FMN1: variants seen among roughly 807,000 people sequenced by gnomAD.
FMN1 encodes formin-1.
FMN1 carries 110 observed loss-of-function variants against 132.4 expected under a neutral mutation model. The observed-to-expected ratio is 0.83, with a 90% CI of 0.71 to 0.97. The LOEUF (loss-of-function observed/expected upper bound fraction) is 0.97. FMN1 is among the 50% of genes least tolerant of loss of function. The probability of loss-of-function intolerance (pLI) is 0.00; values close to 1 mark genes in which losing one functional copy is unlikely to be tolerated. For missense variants in FMN1, 1,792 were observed against 1,705.3 expected, an observed-to-expected ratio of 1.05 and a Z score of -0.90; for synonymous variants, 722 against 651.7, an observed-to-expected ratio of 1.11 and a Z score of -1.64.
At chr15:32,797,402 G>A (rs2057324392) in intron 19 of FMN1, among the ~76,000 whole-genome samples, 1 of 152,160 alleles carries the variant, frequency 6.6e-6, no homozygotes, top group Non-Finnish European at 1.5e-5. Context: ...GGACCTGGAG[G>A]GCAGACTGGC....
At chr15:33,179,532 C>T (rs1161556079) in intron 3 of FMN1, among the ~76,000 whole-genome samples, 2 of 152,200 alleles carry the variant, frequency 1.3e-5, no homozygotes, top group South Asian at 2.1e-4. Flanking sequence ...ATAGTGCCTA[C>T]GGCCACCGTC....
rs28425489 is a variant in FMN1, at chr15:32,772,355, A to G, written c.*1955T>C. The G allele has an allele frequency of 0.57, 86,021 of 151,944 alleles. 24,767 individuals are homozygous for G. The highest frequency in any genetic ancestry group is 0.77 in the East Asian group (3,953 of 5,156). 9.4% of individuals were successfully genotyped at this position (151,944 alleles called of 1,614,324 possible). A position where few individuals can be genotyped will look rare whatever the true frequency, so the allele number is the denominator to read the frequency against. ...GGATTGAGACTTCTGCTGGCCCCAC[A>G]TAACTCAAAAGAGCTGAATTATATG... On this transcript the variant is annotated 3_prime_UTR_variant, in exon 21 of 21. Coordinates refer to ENST00000616417, the MANE Select transcript of FMN1 (RefSeq NM_001277313.2).
At chr15:32,893,110 G>A (rs573510222) in intron 15 of FMN1, among the ~76,000 whole-genome samples, 2 of 152,252 alleles carry the variant, frequency 1.3e-5, no homozygotes, top group East Asian at 3.9e-4. Context: ...TCCTCTTTAA[G>A]GCCATTAGCT....
At position 32,968,767 on chromosome 15, in the gene FMN1, G is replaced by T. The variant is rs1401956572; in HGVS notation, c.2934C>A (p.Pro978=). 2 of 1,613,284 alleles carry T rather than the reference G, an allele frequency of 1.2e-6. No homozygotes were observed. Among genetic ancestry groups the T allele is most frequent in the Middle Eastern group, 1.6e-4 (1 of 6,082 alleles). The part of the protein sequence containing the change: ...SQCPRKPAIE[P]SCPMKPLYWT... ...AATATAAAGGCTTCATGGGACAACT[G>T]GGCTCGATGGCTGGTTTTCGAGGAC... The change falls in exon 8 of 21, where the codon CCC becomes CCA. Residue 978 remains proline, a synonymous_variant. Coordinates refer to ENST00000616417, the MANE Select transcript of FMN1 (RefSeq NM_001277313.2).
rs1278035856 is a variant in FMN1 at position 33,115,497 on chromosome 15, C to CA, written c.1868-26524_1868-26523insT. Among the ~76,000 whole-genome samples the CA allele has an allele frequency of 1.7e-3, 235 of 138,032 alleles. 2 individuals are homozygous for CA. The highest frequency in any genetic ancestry group is 5.3e-3 in the African/African-American group (208 of 39,116). 90.6% of individuals were successfully genotyped at this position (138,032 alleles called of 152,430 possible). ...AACTGGATTTCATCCTTAAGCCCCC[C>CA]CCCCCCACACACACACGCACACACA... On this transcript the variant is annotated intron_variant, in intron 4 of 20. Coordinates refer to ENST00000616417, the MANE Select transcript of FMN1 (RefSeq NM_001277313.2).
intron 5 of FMN1, among the ~76,000 whole-genome samples, chr15:33,086,229 C>T (rs778361317): frequency 1.4e-5 from 2 of 144,876 alleles, no homozygotes; most frequent in Non-Finnish European, 3.0e-5. Context: ...CCAGCCTGAG[C>T]GACAGAGCAA....
chr15:33,128,462 C>G (rs185564483), intron 4 of FMN1, among the ~76,000 whole-genome samples: 1 of 152,300 alleles, frequency 6.6e-6, no homozygotes, highest in Admixed American at 6.5e-5. Flanking sequence ...TATGACATTG[C>G]AAGGTCCATT....
chr15:33,092,314 C>T (rs1018781139), intron 4 of FMN1, among the ~76,000 whole-genome samples: 40 of 152,184 alleles, frequency 2.6e-4, no homozygotes, highest in African/African-American at 9.7e-4. Context: ...CACAGCTCAT[C>T]TTTCCAAAAT....
intron 6 of FMN1, among the ~76,000 whole-genome samples, chr15:33,027,512 A>G (rs1233234354): frequency 1.2e-4 from 18 of 152,226 alleles, no homozygotes; most frequent in Non-Finnish European, 2.6e-4. Context: ...ACACAGGTGG[A>G]AACAGAGCCA....
intron 9 of FMN1, among the ~76,000 whole-genome samples, chr15:32,952,727 T>G (rs1455607472): frequency 1.3e-5 from 2 of 152,144 alleles, no homozygotes; most frequent in Admixed American, 6.6e-5. Context: ...CTAAGATATT[T>G]TGGACATGCA....
chr15:33,128,920 T>TTGGTCCATTTTACAGAGTGCTG lies in FMN1; in HGVS notation c.1867+24127_1867+24128insCAGCACTCTGTAAAATGGACCA, dbSNP rs1566942830. On this transcript the variant is annotated intron_variant, in intron 4 of 20. Transcript: ENST00000616417. ...TATTTGGCCCCACCCATGCCCTGCT[T>TTGGTCCATTTTACAGAGTGCTG]ATTGGTCCATTTTACAGAGTGCTGA... 4.5e-3 allele frequency among the ~76,000 whole-genome samples: 543 copies of TTGGTCCATTTTACAGAGTGCTG among 120,488 alleles called. 8 individuals are homozygous for TTGGTCCATTTTACAGAGTGCTG. Among genetic ancestry groups the TTGGTCCATTTTACAGAGTGCTG allele is most frequent in the African/African-American group, 0.021 (522 of 24,442 alleles). 79.0% of individuals were successfully genotyped at this position (120,488 alleles called of 152,430 possible).
chr15:32,868,958 G>A (rs1201307765), intron 16 of FMN1, among the ~76,000 whole-genome samples: 3 of 152,128 alleles, frequency 2.0e-5, no homozygotes, highest in Non-Finnish European at 2.9e-5. Flanking sequence ...ATGGAACGCT[G>A]GGTATAGGCC....
chr15:32,952,632 A>G (rs1007572637), intron 9 of FMN1, among the ~76,000 whole-genome samples: 1 of 152,148 alleles, frequency 6.6e-6, no homozygotes, highest in African/African-American at 2.4e-5. Context: ...AGAGAGTAAA[A>G]AGTGATGTGA....
At chr15:32,983,069 G>A (rs992465851) in intron 7 of FMN1, among the ~76,000 whole-genome samples, 13 of 151,948 alleles carry the variant, frequency 8.6e-5, no homozygotes, top group South Asian at 4.2e-4. Flanking sequence ...ATGTTTCTCC[G>A]GAAAACCCTG....
rs1263526804 is a variant in FMN1 at position 32,886,136 on chromosome 15, C to A, written c.3835+2036G>T. On this transcript the variant is annotated intron_variant, in intron 16 of 20. Coordinates refer to ENST00000616417, the MANE Select transcript of FMN1 (RefSeq NM_001277313.2). Reference sequence around the variant, plus strand: ...ATGGTATTTAGAAGAAAAAGAAATTCATTAGAGAACCTACGGTGTGTATTT... The same window carrying A: ...ATGGTATTTAGAAGAAAAAGAAATTAATTAGAGAACCTACGGTGTGTATTT... Among the ~76,000 whole-genome samples the A allele has an allele frequency of 2.6e-5, 4 of 152,152 alleles. No individual in the cohort carries two copies. In the East Asian group the frequency reaches 7.7e-4, roughly 29 times the overall value.
chr15:33,063,515 C>T (rs2037578275), intron 6 of FMN1: 2 of 152,198 alleles, frequency 1.3e-5, no homozygotes, highest in Non-Finnish European at 2.9e-5. Flanking sequence ...TTCTAAACCC[C>T]GTCTGTACCT....
At chr15:33,003,553 A>G (rs377054295) in intron 7 of FMN1, among the ~76,000 whole-genome samples, 1 of 152,380 alleles carries the variant, frequency 6.6e-6, no homozygotes, top group East Asian at 1.9e-4. Flanking sequence ...AAGAGGATAC[A>G]AACAAATGGA....
intron 17 of FMN1, among the ~76,000 whole-genome samples, chr15:32,823,173 T>TTTG (rs2058274427): frequency 1.6e-5 from 2 of 126,722 alleles, no homozygotes; most frequent in South Asian, 5.4e-4. Flanking sequence ...TTTTTTTTTT[T>TTTG]TTTTTTGAGA....
chr15:33,173,856 G>T (rs1965419593), intron 3 of FMN1, among the ~76,000 whole-genome samples: 1 of 152,180 alleles, frequency 6.6e-6, no homozygotes, highest in South Asian at 2.1e-4. Context: ...TTGAACCCAG[G>T]AGGTGGAGGT....
Sources: gnomAD v4.1 joint callset for allele counts (sites outside exome capture counted in the v4.1 genomes callset) on GRCh38, gnomAD v4.1.1 for gene constraint, MANE v1.5 for transcripts, NCBI Gene and HGNC (gene_info 2026-07-23, HGNC 2026-07-21) for gene names.